Variants in SCML2 observed in about 807,000 individuals in gnomAD.
The protein encoded by SCML2 is Scm polycomb group protein like 2, also known as sex comb on midleg-like protein 2.
SCML2 carries 6 observed loss-of-function variants against 48.4 expected under a neutral mutation model. That is an observed-to-expected ratio of 0.12 (90% CI 0.07 to 0.24). SCML2 has a LOEUF of 0.24. SCML2 is among the 10% of genes least tolerant of loss of function. The pLI, the probability that SCML2 is intolerant of heterozygous loss-of-function variation, is 1.00. For missense variants in SCML2, 377 were observed against 528.2 expected, an observed-to-expected ratio of 0.71 and a Z score of 2.81; for synonymous variants, 181 against 189.5, an observed-to-expected ratio of 0.95 and a Z score of 0.37.
intron 7 of SCML2, among the ~76,000 whole-genome samples, chrX:18,286,875 A>G (rs546512627): frequency 9.0e-6 from 1 of 111,581 alleles, no homozygotes. Context: ...TTTAATTTTC[A>G]GTGGTAGCTG....
chrX:18,291,745 T>TA (rs988983456), intron 7 of SCML2, among the ~76,000 whole-genome samples: 1 of 110,025 alleles, frequency 9.1e-6, no homozygotes, highest in Non-Finnish European at 1.9e-5. Context: ...ATGATGTGTT[T>TA]AAAAAAAAAG....
At chrX:18,251,309 C>CAAAA (rs750658948) in intron 11 of SCML2, among the ~76,000 whole-genome samples, 1 of 6,772 alleles carries the variant, frequency 1.5e-4, no homozygotes, top group African/African-American at 7.6e-4. Flanking sequence ...GATTCCATTG[C>CAAAA]AAAAAAAAAA....
At chrX:18,327,344 T>G (rs1170915065) in intron 3 of SCML2, among the ~76,000 whole-genome samples, 7 of 111,519 alleles carry the variant, frequency 6.3e-5, no homozygotes, top group Non-Finnish European at 1.1e-4. Context: ...CACTCCAGCC[T>G]GGGCAACCAG....
At chrX:18,253,374 T>G (rs1242986691) in intron 11 of SCML2, among the ~76,000 whole-genome samples, 3 of 111,569 alleles carry the variant, frequency 2.7e-5, no homozygotes, top group African/African-American at 9.8e-5. Flanking sequence ...TACAAAAAAA[T>G]AGTGGTAAAC....
intron 7 of SCML2, among the ~76,000 whole-genome samples, chrX:18,282,318 A>G (rs761144254): frequency 1.8e-5 from 2 of 110,330 alleles, no homozygotes; most frequent in African/African-American, 6.6e-5. Flanking sequence ...CAGAAATATA[A>G]AAGATCCTCA....
At chrX:18,270,565 C>G (rs1927419482) in intron 7 of SCML2, among the ~76,000 whole-genome samples, 2 of 110,450 alleles carry the variant, frequency 1.8e-5, no homozygotes, top group Non-Finnish European at 3.8e-5. Context: ...TTGCCATATC[C>G]CCAGCACCTA....
intron 11 of SCML2, among the ~76,000 whole-genome samples, chrX:18,255,340 T>A (rs1201239371): frequency 1.8e-5 from 2 of 112,261 alleles, no homozygotes; most frequent in Admixed American, 1.9e-4. Flanking sequence ...CATAGCTAGT[T>A]AACAGCAGGA....
chrX:18,282,317 A>G (rs934743584), intron 7 of SCML2, among the ~76,000 whole-genome samples: 17 of 110,535 alleles, frequency 1.5e-4, no homozygotes, highest in Admixed American at 4.8e-4. Context: ...ACAGAAATAT[A>G]AAAGATCCTC....
intron 1 of SCML2, among the ~76,000 whole-genome samples, chrX:18,353,149 A>AAAAC (rs1555923949): frequency 8.1e-5 from 9 of 110,618 alleles, no homozygotes; most frequent in African/African-American, 3.0e-4. Context: ...AAAAAAAAAA[A>AAAAC]ACACACAAAC....
chrX:18,298,593 A>G lies in SCML2; in HGVS notation c.730+6379T>C, dbSNP rs775599820. Reference sequence around the variant, plus strand: ...GAAACTAGGCCAGGCGTGGTGGCTCATGCCTGTAACCCCAGCACTTTGGGA... The same window carrying G: ...GAAACTAGGCCAGGCGTGGTGGCTCGTGCCTGTAACCCCAGCACTTTGGGA... On this transcript the variant is annotated intron_variant, in intron 7 of 14. Coordinates refer to ENST00000251900, the MANE Select transcript of SCML2 (RefSeq NM_006089.3). Among the ~76,000 whole-genome samples, 3 of 112,104 alleles carry G rather than the reference A, an allele frequency of 2.7e-5. No individual in the cohort carries two copies. The South Asian group carries it at 1.1e-3, about 42-fold the overall frequency.
At chrX:18,260,372 A>T in intron 8 of SCML2, 81 bp from the exon 9 acceptor site, 3 of 784,566 alleles carry the variant, frequency 3.8e-6, no homozygotes, top group South Asian at 8.5e-5. Context: ...GAAATTATAA[A>T]TATCATTGGT....
chrX:18,245,143 T>C (rs1199048048), intron 13 of SCML2, among the ~76,000 whole-genome samples: 1 of 111,945 alleles, frequency 8.9e-6, no homozygotes, highest in East Asian at 2.8e-4. Flanking sequence ...GGAGGCCATA[T>C]GAAATATTAT....
chrX:18,331,066 C>A (rs1929639672), intron 2 of SCML2, among the ~76,000 whole-genome samples: 1 of 108,776 alleles, frequency 9.2e-6, no homozygotes, highest in South Asian at 4.0e-4. Flanking sequence ...TTGAGACCAG[C>A]CAGGCCAACA....
chrX:18,265,723 T>C lies in SCML2; in HGVS notation c.810A>G (p.Lys270=), dbSNP rs1488011466. Residue 270 remains lysine (K), a synonymous_variant, in exon 8 of 15, where the codon AAA becomes AAG. Transcript: ENST00000251900. ...ASQHSMQSPQ[K]TTLILPTQQV... is the part of the protein sequence containing the mutation. ...GCTGTGTTGGTAATATTAGAGTAGTTTTCTGTGGAGACTGCATTGAATGCT... is the reference window on the plus strand; with the variant it reads ...GCTGTGTTGGTAATATTAGAGTAGTCTTCTGTGGAGACTGCATTGAATGCT... The C allele has an allele frequency of 5.0e-6, 6 of 1,208,877 alleles. No individual in the cohort carries two copies. The highest frequency in any genetic ancestry group is 3.5e-5 in the African/African-American group (2 of 57,043).
At chrX:18,290,348 T>C (rs1274486131) in intron 7 of SCML2, among the ~76,000 whole-genome samples, 1 of 111,794 alleles carries the variant, frequency 8.9e-6, no homozygotes, top group Non-Finnish European at 1.9e-5. Flanking sequence ...TTTGCTACAC[T>C]TTCCTGATTC....
At chrX:18,346,381 C>A (rs1212847163) in intron 1 of SCML2, among the ~76,000 whole-genome samples, 1 of 111,178 alleles carries the variant, frequency 9.0e-6, no homozygotes, top group Non-Finnish European at 1.9e-5. Flanking sequence ...TGCTTTAAAC[C>A]AATATTCACC....
chrX:18,343,360 A>AAG (rs778233152), intron 1 of SCML2, among the ~76,000 whole-genome samples: 1 of 109,040 alleles, frequency 9.2e-6, no homozygotes, highest in Non-Finnish European at 1.9e-5. Context: ...GGAAAAAAAA[A>AAG]AGAGAGAGAG....
chrX:18,274,688 T>C (rs1367305713), intron 7 of SCML2, among the ~76,000 whole-genome samples: 2 of 111,419 alleles, frequency 1.8e-5, no homozygotes, highest in Non-Finnish European at 3.8e-5. Flanking sequence ...GATTCTGCCA[T>C]AATCATCTGT....
intron 6 of SCML2, among the ~76,000 whole-genome samples, chrX:18,308,342 A>C: frequency 1.6e-5 from 1 of 62,779 alleles, no homozygotes; most frequent in African/African-American, 6.6e-5. Flanking sequence ...AAGGACAGGG[A>C]GGGAGGAAAG....
Sources: gnomAD v4.1 joint callset for allele counts (sites outside exome capture counted in the v4.1 genomes callset) on GRCh38, gnomAD v4.1.1 for gene constraint, MANE v1.5 for transcripts, NCBI Gene and HGNC (gene_info 2026-07-23, HGNC 2026-07-21) for gene names.